Variants in PUDP observed in about 807,000 individuals in gnomAD.
PUDP encodes pseudouridine-5'-phosphatase.
In PUDP, 8 loss-of-function variants were observed where a neutral mutation model predicts 9.4. The observed-to-expected ratio is 0.85, with a 90% CI of 0.50 to 1.53. The LOEUF (loss-of-function observed/expected upper bound fraction) is 1.53. Among genes scored for constraint, PUDP ranks in the 40% most tolerant of loss-of-function variants. PUDP has a pLI of 0.00. For synonymous variants in PUDP, 99 were observed against 80.7 expected (o/e 1.23, Z -1.22); for missense variants, 188 against 189.7 (o/e 0.99, Z 0.05).
At chrX:7,103,238 C>T (rs1931789755) in intron 2 of PUDP, among the ~76,000 whole-genome samples, 1 of 111,761 alleles carries the variant, frequency 8.9e-6, no homozygotes, top group Non-Finnish European at 1.9e-5. Context: ...GAATAGATAG[C>T]CCAGAAATAC....
intron 3 of PUDP, among the ~76,000 whole-genome samples, chrX:6,746,568 C>A (rs919543684): frequency 2.8e-4 from 31 of 110,711 alleles, no homozygotes; most frequent in Non-Finnish European, 4.5e-4. Flanking sequence ...TCTCTCCCCC[C>A]ACCCCATCCC....
chrX:6,728,351 A>AAC (rs1248580827), intron 3 of PUDP, among the ~76,000 whole-genome samples: 4 of 110,855 alleles, frequency 3.6e-5, no homozygotes, highest in African/African-American at 6.6e-5. Flanking sequence ...AGAGAAACAT[A>AAC]ACACACACAC....
At chrX:6,871,346 C>A (rs1406930576) in intron 3 of PUDP, among the ~76,000 whole-genome samples, 1 of 111,518 alleles carries the variant, frequency 9.0e-6, no homozygotes, top group Non-Finnish European at 1.9e-5. Flanking sequence ...CAGACTGCTT[C>A]TAGAGAATCT....
At chrX:7,027,487 T>C (rs765109958) in intron 1 of PUDP, among the ~76,000 whole-genome samples, 1 of 107,209 alleles carries the variant, frequency 9.3e-6, no homozygotes, top group East Asian at 2.9e-4. Flanking sequence ...TGAGTGTATG[T>C]ATATACACAT....
chrX:6,838,013 C>T (rs1602640283), intron 3 of PUDP, among the ~76,000 whole-genome samples: 2 of 111,744 alleles, frequency 1.8e-5, no homozygotes, highest in Middle Eastern at 4.7e-3. Context: ...TTAAATCATG[C>T]TTTTCTAGAA....
intron 3 of PUDP, among the ~76,000 whole-genome samples, chrX:6,820,156 T>C (rs757313462): frequency 9.1e-6 from 1 of 109,978 alleles, no homozygotes; most frequent in South Asian, 4.0e-4. Flanking sequence ...TAGAAACCCC[T>C]GATAAACCCA....
intron 3 of PUDP, among the ~76,000 whole-genome samples, chrX:6,950,571 C>T (rs1180437454): frequency 2.9e-5 from 3 of 104,037 alleles, no homozygotes; most frequent in African/African-American, 1.1e-4. Flanking sequence ...CCACCACTCC[C>T]GGCTAATTTT....
At chrX:6,839,543 C>T (rs1036583406) in intron 3 of PUDP, among the ~76,000 whole-genome samples, 1 of 111,816 alleles carries the variant, frequency 8.9e-6, no homozygotes, top group Non-Finnish European at 1.9e-5. Flanking sequence ...AGTTGTTTTG[C>T]TCACATACCC....
intron 3 of PUDP, among the ~76,000 whole-genome samples, chrX:6,757,423 G>A (rs1428280486): frequency 1.8e-5 from 2 of 110,729 alleles, no homozygotes; most frequent in African/African-American, 3.3e-5. Flanking sequence ...AGTTTTCATG[G>A]GTGTGGGGGT....
intron 3 of PUDP, among the ~76,000 whole-genome samples, chrX:6,838,741 C>G (rs1335606985): frequency 8.9e-6 from 1 of 111,919 alleles, no homozygotes. Flanking sequence ...AGTTGGCTAT[C>G]TGGGGATTGT....
intron 1 of PUDP, among the ~76,000 whole-genome samples, chrX:7,004,037 G>A (rs5935876): frequency 0.34 from 36,897 of 108,797 alleles, 5,009 homozygotes; most frequent in Non-Finnish European, 0.41. Context: ...CACCACGCAC[G>A]CTTAATTTTT....
chrX:7,134,677 A>C (rs1431340585), intron 1 of PUDP, among the ~76,000 whole-genome samples: 3 of 112,138 alleles, frequency 2.7e-5, no homozygotes, highest in African/African-American at 9.7e-5. Context: ...TTACTTTAGC[A>C]CCAACCTAAA....
chrX:6,959,507 G>T (rs1398622723), intron 3 of PUDP, among the ~76,000 whole-genome samples: 1 of 112,463 alleles, frequency 8.9e-6, no homozygotes, highest in East Asian at 2.8e-4. Context: ...TGCAGGCATG[G>T]CTTCCGCCAC....
rs770187335 is a variant in PUDP at position 6,878,924 on chromosome X, T to C, written c.*247+98209A>G. Reference sequence around the variant, plus strand: ...GGCCATACACTAACCATCAGAGCTATTGCTTAGAAGGCCGATTCCTGGCTC... The same window carrying C: ...GGCCATACACTAACCATCAGAGCTACTGCTTAGAAGGCCGATTCCTGGCTC... On this transcript the variant is annotated intron_variant and NMD_transcript_variant, in intron 3 of 3. Transcript: ENST00000655425. 7.5e-4 allele frequency among the ~76,000 whole-genome samples: 84 copies of C among 111,643 alleles called. 1 individual carries two copies. The highest frequency in any genetic ancestry group is 4.6e-3 in the Middle Eastern group (1 of 217).
intron 3 of PUDP, among the ~76,000 whole-genome samples, chrX:6,803,127 T>C (rs760548001): frequency 6.9e-5 from 7 of 101,121 alleles, no homozygotes; most frequent in Admixed American, 5.4e-4. Flanking sequence ...TAAAACAAAA[T>C]AAAATAAAAT....
intron 3 of PUDP, among the ~76,000 whole-genome samples, chrX:7,076,615 G>A (rs770965357): frequency 3.7e-4 from 41 of 111,812 alleles, no homozygotes; most frequent in African/African-American, 1.2e-3. Context: ...GGAGCCAGGG[G>A]CCGTCTCCAC....
At chrX:6,874,453 G>A (rs1196083073) in intron 3 of PUDP, among the ~76,000 whole-genome samples, 2 of 112,547 alleles carry the variant, frequency 1.8e-5, no homozygotes, top group Non-Finnish European at 3.8e-5. Context: ...CAATAGAGAT[G>A]TAAACATTTT....
intron 2 of PUDP, among the ~76,000 whole-genome samples, chrX:7,085,683 C>A (rs1931243106): frequency 1.8e-5 from 2 of 112,178 alleles, no homozygotes; most frequent in African/African-American, 6.5e-5. Flanking sequence ...GCATTTATTT[C>A]TTGTTCAAGA....
intron 3 of PUDP, among the ~76,000 whole-genome samples, chrX:6,908,698 G>A (rs1157346770): frequency 1.8e-5 from 2 of 110,458 alleles, no homozygotes; most frequent in African/African-American, 6.6e-5. Context: ...ACCTGTAACA[G>A]TAAAGAGAGG....
Sources: allele counts gnomAD v4.1 joint callset (sites outside exome capture counted in the v4.1 genomes callset), GRCh38; gene constraint gnomAD v4.1.1; transcripts MANE v1.5; gene names NCBI Gene and HGNC (gene_info 2026-07-23, HGNC 2026-07-21).